SLC39A13: variants seen among roughly 807,000 people sequenced by gnomAD.
The protein encoded by SLC39A13 is zinc transporter ZIP13.
In SLC39A13, 18 loss-of-function variants were observed where a neutral mutation model predicts 38.7. The ratio of observed to expected loss-of-function variants is 0.47; its 90% CI spans 0.32 to 0.69. The LOEUF (loss-of-function observed/expected upper bound fraction) is 0.69. SLC39A13 is among the 30% of genes least tolerant of loss of function. SLC39A13 has a pLI of 0.03. For synonymous variants in SLC39A13, 212 were observed against 219.1 expected, an observed-to-expected ratio of 0.97 and a Z score of 0.29; for missense variants, 395 against 490.7, an observed-to-expected ratio of 0.80 and a Z score of 1.84.
At position 47,415,513 on chromosome 11, in the gene SLC39A13, G is replaced by A. The variant is rs1157691694; in HGVS notation, c.*150G>A. Reference sequence around the variant, plus strand: ...AGGAGGGAGGTGCGTGTGGATGTATGTGGTGTGCACATGTGGCCAGAGGTG... The same window carrying A: ...AGGAGGGAGGTGCGTGTGGATGTATATGGTGTGCACATGTGGCCAGAGGTG... On this transcript the variant is annotated 3_prime_UTR_variant, in exon 10 of 10. Coordinates refer to ENST00000362021, the MANE Select transcript of SLC39A13 (RefSeq NM_001128225.3). 8.0e-6 allele frequency: 7 copies of A among 871,766 alleles called. No individual in the cohort carries two copies. Among genetic ancestry groups the A allele is most frequent in the Non-Finnish European group, 1.3e-5 (7 of 535,806 alleles). The allele number at this position is 871,766 out of a possible 1,614,324, so 54.0% of individuals were successfully genotyped here.
rs768210120 is a variant in SLC39A13, at chr11:47,413,837, C to T, written c.735+151C>T. 99 of 857,802 alleles carry T rather than the reference C, an allele frequency of 1.2e-4. 1 individual carries two copies. In the South Asian group the frequency reaches 1.2e-3, roughly 10 times the overall value. The allele number at this position is 857,802 out of a possible 1,614,324, so 53.1% of individuals were successfully genotyped here. A position where few individuals can be genotyped will look rare whatever the true frequency, so the allele number is the denominator to read the frequency against. ...CCATCCTCCCTGCTGCTGTCCTGGC[C>T]GCCACTGTTCTCTGATCCTGAGCCC... On this transcript the variant is annotated intron_variant, in intron 6 of 9. Coordinates refer to ENST00000362021, the MANE Select transcript of SLC39A13 (RefSeq NM_001128225.3).
Position 47,411,909 on chromosome 11 carries a change from G to A in SLC39A13, c.302-17G>A, listed in dbSNP as rs775872862. ...TCCAGCCAGTCAGCCCCCAGACCCCGCATCTCTCCCTTGTAGCTGGGGCCT... is the reference window on the plus strand; with the variant it reads ...TCCAGCCAGTCAGCCCCCAGACCCCACATCTCTCCCTTGTAGCTGGGGCCT... On this transcript the variant is annotated splice_polypyrimidine_tract_variant and intron_variant, in intron 2 of 9. Coordinates refer to ENST00000362021, the MANE Select transcript of SLC39A13 (RefSeq NM_001128225.3). 49 of 1,608,276 alleles carry A rather than the reference G, an allele frequency of 3.0e-5. No homozygotes were observed. The highest frequency in any genetic ancestry group is 2.1e-4 in the South Asian group (19 of 90,010).
Position 47,415,413 on chromosome 11 carries a change from A to G in SLC39A13, c.*50A>G, listed in dbSNP as rs199887251. 2.5e-6 allele frequency: 4 copies of G among 1,598,850 alleles called. No homozygotes were observed. The highest frequency in any genetic ancestry group is 1.7e-5 in the Admixed American group (1 of 59,998). ...CCCCCTGCAGCAATAAGATGCTCGG[A>G]TTCACTCTGTGACCGCATATGTGAG... On this transcript the variant is annotated 3_prime_UTR_variant, in exon 10 of 10. Transcript: ENST00000362021.
At chr11:47,410,425 T>C in intron 2 of SLC39A13, 30 bp downstream of exon 2, 1 of 1,612,326 alleles carries the variant, frequency 6.2e-7, no homozygotes, top group Non-Finnish European at 8.5e-7. Context: ...CGCCCAGGGC[T>C]GGCCAGGGTG....
chr11:47,410,520 C>A, intron 2 of SLC39A13, 125 bp downstream of exon 2: 1 of 1,308,188 alleles, frequency 7.6e-7, no homozygotes, highest in Admixed American at 1.9e-5. Context: ...AGAACTTCTC[C>A]CCTTGGTCCT....
chr11:47,410,410 G>A lies in SLC39A13; in HGVS notation c.301+15G>A, dbSNP rs61000762. The stretch of plus-strand genomic sequence containing the variant: ...GCGCTCAGAAGGTAGGTGACTCTCC[G>A]GTGGCGCCCAGGGCTGGCCAGGGTG... On this transcript the variant is annotated intron_variant, in intron 2 of 9. Coordinates refer to ENST00000362021, the MANE Select transcript of SLC39A13 (RefSeq NM_001128225.3). 265,180 of 1,613,258 alleles carry A rather than the reference G, an allele frequency of 0.16. 25,150 individuals carry two copies. Among genetic ancestry groups the A allele is most frequent in the East Asian group, 0.36 (16,366 of 44,862 alleles).
Position 47,411,702 on chromosome 11 carries a change from G to A in SLC39A13, c.302-224G>A, listed in dbSNP as rs893335856. On this transcript the variant is annotated intron_variant, in intron 2 of 9. Coordinates refer to ENST00000362021, the MANE Select transcript of SLC39A13 (RefSeq NM_001128225.3). ...CATCTGCCAAGGTCACCAGCTAGTG[G>A]GTTGGGAGCTGGGACCTGTCAGCTC... is the stretch of plus-strand genomic sequence containing the variant. Among the ~76,000 whole-genome samples the A allele has an allele frequency of 5.2e-5, 8 of 152,392 alleles. No individual in the cohort carries two copies. In the South Asian group the frequency reaches 1.4e-3, roughly 28 times the overall value.
chr11:47,409,528 A>T (rs963752171), intron 1 of SLC39A13: 3 of 162,558 alleles, frequency 1.8e-5, no homozygotes, highest in Non-Finnish European at 2.7e-5. Flanking sequence ...TACAAGAGAG[A>T]GGCATCCCCT....
intron 1 of SLC39A13, chr11:47,409,122 G>A (rs1443164929): frequency 6.6e-6 from 1 of 152,638 alleles, no homozygotes; most frequent in Non-Finnish European, 1.5e-5. Flanking sequence ...ATCAGAAGGT[G>A]AGGAAACTGA....
chr11:47,414,348 C>T lies in SLC39A13; in HGVS notation c.736-77C>T, dbSNP rs548572800. 6.6e-6 allele frequency: 10 copies of T among 1,512,774 alleles called. No homozygotes were observed. In the African/African-American group the frequency reaches 1.2e-4, roughly 19 times the overall value. 93.7% of individuals were successfully genotyped at this position (1,512,774 alleles called of 1,614,324 possible). On this transcript the variant is annotated intron_variant, in intron 6 of 9. Transcript: ENST00000362021. ...CAGAGCCAGCTCAGAGCAGAGTAAA[C>T]CTCTGTGGAATGAGTGGGCGAGTGG...
At chr11:47,412,676 T>C (rs1266263651) in intron 4 of SLC39A13, among the ~76,000 whole-genome samples, 1 of 119,864 alleles carries the variant, frequency 8.3e-6, no homozygotes, top group Non-Finnish European at 2.0e-5. Flanking sequence ...GTGACAGCAG[T>C]TGGGGAGGGT....
chr11:47,414,219 G>C, intron 6 of SLC39A13: 1 of 639,502 alleles, frequency 1.6e-6, no homozygotes, highest in Non-Finnish European at 2.8e-6. Context: ...GTGAGTGTGT[G>C]AGTGAGTCCT....
chr11:47,407,805 T>C (rs2095977514), upstream of SLC39A13, among the ~76,000 whole-genome samples: 1 of 152,274 alleles, frequency 6.6e-6, no homozygotes, highest in African/African-American at 2.4e-5. Context: ...TAGCACATAG[T>C]AGGTGGTCAG....
intron 5 of SLC39A13, 35 bp downstream of exon 5, chr11:47,413,542 T>C: frequency 1.2e-6 from 2 of 1,613,872 alleles, no homozygotes; most frequent in Non-Finnish European, 1.7e-6. Context: ...GCAGCCGTAC[T>C]GCCCTGAGTG....
chr11:47,411,105 C>T (rs1477985355), intron 2 of SLC39A13, among the ~76,000 whole-genome samples: 2 of 152,200 alleles, frequency 1.3e-5, no homozygotes, highest in Non-Finnish European at 2.9e-5. Context: ...GCAGTTTCCC[C>T]TGGGATCCCA....
intron 4 of SLC39A13, 145 bp from the exon 5 acceptor site, chr11:47,413,255 C>T: frequency 1.2e-6 from 1 of 833,168 alleles, no homozygotes; most frequent in Non-Finnish European, 2.0e-6. Flanking sequence ...ATCCATCTGC[C>T]TTGGGCTCCC....
rs2096003375 is a variant in SLC39A13 at position 47,412,256 on chromosome 11, G to T, written c.416-90G>T. The stretch of plus-strand genomic sequence containing the variant: ...AACCCACCCTTGTCACTGCCCTGGT[G>T]CCCTGGATGAGATCCCATTCCAAAT... On this transcript the variant is annotated intron_variant, in intron 3 of 9. Coordinates refer to ENST00000362021, the MANE Select transcript of SLC39A13 (RefSeq NM_001128225.3). 2.0e-6 allele frequency: 3 copies of T among 1,514,398 alleles called. No homozygotes were observed. In the South Asian group the frequency reaches 3.6e-5, roughly 18 times the overall value. The allele number at this position is 1,514,398 out of a possible 1,614,324, so 93.8% of individuals were successfully genotyped here. A position where few individuals can be genotyped will look rare whatever the true frequency, so the allele number is the denominator to read the frequency against.
rs1290027735 is a variant in SLC39A13, at chr11:47,415,576, C to G, written c.*213C>G. On this transcript the variant is annotated 3_prime_UTR_variant, in exon 10 of 10. Coordinates refer to ENST00000362021, the MANE Select transcript of SLC39A13 (RefSeq NM_001128225.3). ...CGACACTGTGATCCCTGTGCTGGGT[C>G]CGGGGCCCAGTGTAGCGCCTGTCCC... The G allele has an allele frequency of 1.5e-6, 1 of 662,966 alleles. No homozygotes were observed. The highest frequency in any genetic ancestry group is 2.7e-6 in the Non-Finnish European group (1 of 367,736). The allele number at this position is 662,966 out of a possible 1,614,324, so 41.1% of individuals were successfully genotyped here.
At chr11:47,414,249 C>G (rs1474862559) in intron 6 of SLC39A13, 176 bp from the exon 7 acceptor site, 2 of 698,188 alleles carry the variant, frequency 2.9e-6, no homozygotes, top group Admixed American at 2.1e-5. Context: ...CTCTATACCG[C>G]TAGCTTCGTG....
Sources: gnomAD v4.1 joint callset for allele counts (sites outside exome capture counted in the v4.1 genomes callset) on GRCh38, gnomAD v4.1.1 for gene constraint, MANE v1.5 for transcripts, NCBI Gene and HGNC (gene_info 2026-07-23, HGNC 2026-07-21) for gene names.